The following CCNC variants were observed in gnomAD, a reference collection of about 807,000 sequenced individuals.
CCNC encodes cyclin C, also known as cyclin-C.
In CCNC, 19 loss-of-function variants were observed where a neutral mutation model predicts 50.0. The ratio of observed to expected loss-of-function variants is 0.38; its 90% CI spans 0.27 to 0.56. CCNC has a LOEUF of 0.56. CCNC is among the 20% of genes least tolerant of loss of function. CCNC has a pLI of 0.72. For missense variants in CCNC, 200 were observed against 327.1 expected, an observed-to-expected ratio of 0.61 and a Z score of 3.00; for synonymous variants, 93 against 103.7, an observed-to-expected ratio of 0.90 and a Z score of 0.63.
rs781636912 is a variant in CCNC, at chr6:99,568,468, C to T, written c.32+28G>A. 1.1e-5 allele frequency: 18 copies of T among 1,609,162 alleles called. No individual in the cohort carries two copies. The South Asian group carries it at 2.0e-4, about 18-fold the overall frequency. On this transcript the variant is annotated intron_variant, in intron 1 of 11. Transcript: ENST00000520429. ...CTCACAGCTCCCCCAAAAACCGGCCCCAGGTGAGAAGACGGAAGATCGCTT... is the reference window on the plus strand; with the variant it reads ...CTCACAGCTCCCCCAAAAACCGGCCTCAGGTGAGAAGACGGAAGATCGCTT...
intron 5 of CCNC, among the ~76,000 whole-genome samples, chr6:99,552,826 T>G (rs1291637496): frequency 6.6e-6 from 1 of 152,176 alleles, no homozygotes; most frequent in South Asian, 2.1e-4. Flanking sequence ...GTGGATCACC[T>G]GAGGTCAGGA....
chr6:99,556,782 G>T (rs1285436655), intron 5 of CCNC, among the ~76,000 whole-genome samples: 2 of 152,176 alleles, frequency 1.3e-5, no homozygotes, highest in Non-Finnish European at 2.9e-5. Context: ...TTAGCCCGGC[G>T]TGGTGGCACA....
Position 99,550,988 on chromosome 6 carries a change from CT to C in CCNC, c.438+4del. 9.7e-7 allele frequency: 1 copy of C among 1,031,910 alleles called. No individual in the cohort carries two copies. Among genetic ancestry groups the C allele is most frequent in the Non-Finnish European group, 1.4e-6 (1 of 727,570 alleles). 63.9% of individuals were successfully genotyped at this position (1,031,910 alleles called of 1,614,324 possible). On this transcript the variant is annotated splice_donor_region_variant and intron_variant, in intron 7 of 11. Transcript: ENST00000520429. ...TAATCTATTAATCACAGAAGATTTACTTACCATTAGTTCTAACAGATAGAAT... is the reference window on the plus strand; with the variant it reads ...TAATCTATTAATCACAGAAGATTTACTACCATTAGTTCTAACAGATAGAAT...
intron 1 of CCNC, among the ~76,000 whole-genome samples, chr6:99,566,612 A>G (rs1341770490): frequency 1.3e-5 from 2 of 152,178 alleles, no homozygotes; most frequent in African/African-American, 4.8e-5. Flanking sequence ...GTGGTTTGCT[A>G]ATTAATTTCA....
intron 1 of CCNC, 103 bp downstream of exon 1, chr6:99,568,393 C>T (rs1319860427): frequency 6.1e-6 from 7 of 1,151,626 alleles, no homozygotes; most frequent in Non-Finnish European, 7.7e-6. Context: ...AGGACCCCGG[C>T]ACTCGGAACT....
intron 6 of CCNC, among the ~76,000 whole-genome samples, chr6:99,551,271 ACAAT>A (rs1426655051): frequency 1.3e-5 from 2 of 152,168 alleles, no homozygotes; most frequent in African/African-American, 2.4e-5. Context: ...CCAGCTTCTC[ACAAT>A]CATTCTTATT....
rs946439002 is a variant in CCNC at position 99,566,968 on chromosome 6, C to T, written c.32+1528G>A. 2.4e-5 allele frequency: 11 copies of T among 453,834 alleles called. 1 individual carries two copies. The highest frequency in any genetic ancestry group is 4.9e-5 in the Non-Finnish European group (11 of 225,910). 28.1% of individuals were successfully genotyped at this position (453,834 alleles called of 1,614,324 possible). ...TTGTCTTGTCTTCCACACTCGTTAC[C>T]TTTTCCAGATAAGAAACTCCATGAC... On this transcript the variant is annotated intron_variant, in intron 1 of 11. Coordinates refer to ENST00000520429, the MANE Select transcript of CCNC (RefSeq NM_005190.4).
At chr6:99,559,507 T>C (rs1802683889) in intron 4 of CCNC, among the ~76,000 whole-genome samples, 1 of 152,142 alleles carries the variant, frequency 6.6e-6, no homozygotes, top group Non-Finnish European at 1.5e-5. Flanking sequence ...GAAATGTATG[T>C]GTACTAATAT....
intron 8 of CCNC, among the ~76,000 whole-genome samples, chr6:99,549,970 T>A (rs1802224494): frequency 6.6e-6 from 1 of 152,200 alleles, no homozygotes; most frequent in Admixed American, 6.5e-5. Flanking sequence ...ATTTTTATGT[T>A]AACAGTCTGT....
At chr6:99,550,114 G>C (rs966493987) in intron 8 of CCNC, 104 bp downstream of exon 8, 13 of 745,028 alleles carry the variant, frequency 1.7e-5, no homozygotes, top group Non-Finnish European at 2.8e-5. Flanking sequence ...AAAATATCTT[G>C]GGGCAATAGT....
At chr6:99,563,778 T>C (rs1768973934) in intron 1 of CCNC, among the ~76,000 whole-genome samples, 1 of 152,214 alleles carries the variant, frequency 6.6e-6, no homozygotes, top group Admixed American at 6.5e-5. Context: ...TCCAAATGCA[T>C]GGAGGTATTT....
intron 5 of CCNC, among the ~76,000 whole-genome samples, chr6:99,555,481 A>C (rs1447468460): frequency 6.6e-6 from 1 of 151,760 alleles, no homozygotes; most frequent in Non-Finnish European, 1.5e-5. Context: ...TCCATTGCCC[A>C]GGCTGGAGTG....
intron 10 of CCNC, among the ~76,000 whole-genome samples, chr6:99,546,084 G>C (rs977688588): frequency 4.6e-5 from 7 of 152,010 alleles, no homozygotes; most frequent in Admixed American, 1.3e-4. Context: ...TTCTGTCTCA[G>C]CCTCCCGAGT....
chr6:99,568,796 A>C, upstream of CCNC: 1 of 1,051,968 alleles, frequency 9.5e-7, no homozygotes, highest in African/African-American at 1.6e-5. Flanking sequence ...TGACCCTTGG[A>C]GGTGCTGAGA....
chr6:99,561,733 A>C (rs1802789943), intron 2 of CCNC, 52 bp from the exon 3 acceptor site: 2 of 1,112,138 alleles, frequency 1.8e-6, no homozygotes, highest in East Asian at 4.7e-5. Flanking sequence ...TCATTATAAT[A>C]TTAACATTGA....
intron 11 of CCNC, among the ~76,000 whole-genome samples, chr6:99,544,709 T>C (rs1419413706): frequency 7.0e-6 from 1 of 143,826 alleles, no homozygotes; most frequent in Non-Finnish European, 1.5e-5. Flanking sequence ...TGAAAATTGC[T>C]ACTGAAATTT....
At position 99,561,390 on chromosome 6, in the gene CCNC, C is replaced by T; in HGVS notation, c.271G>A (p.Val91Met). Reference protein sequence around the residue: ...IDPVLMAPTCVFLASKVEEFG... With the variant: ...IDPVLMAPTCMFLASKVEEFG... ...ACCTCTACTTTGGATGCCAAAAACA[C>T]ACATGTAGGAGCCATTAATACAGGA... is the stretch of plus-strand genomic sequence containing the variant. The change falls in exon 4 of 12, where the codon GTG becomes ATG. Residue 91 changes from valine to methionine, a missense_variant. By Grantham distance (21) the Val-to-Met change is conservative. Transcript: ENST00000520429. 1 of 1,602,936 alleles carries T rather than the reference C, an allele frequency of 6.2e-7. No homozygotes were observed. Among genetic ancestry groups the T allele is most frequent in the Non-Finnish European group, 8.5e-7 (1 of 1,174,236 alleles).
chr6:99,563,648 C>G (rs562702691), intron 1 of CCNC, among the ~76,000 whole-genome samples: 24 of 152,190 alleles, frequency 1.6e-4, no homozygotes, highest in Non-Finnish European at 3.1e-4. Context: ...AAATACAGGT[C>G]GTCATTTTTC....
intron 1 of CCNC, 55 bp from the exon 2 acceptor site, chr6:99,563,003 A>C: frequency 1.9e-6 from 2 of 1,047,838 alleles, no homozygotes; most frequent in East Asian, 2.4e-5. Context: ...AAACACTCTA[A>C]GATTGAACAC....
Sources: allele counts gnomAD v4.1 joint callset (sites outside exome capture counted in the v4.1 genomes callset), GRCh38; gene constraint gnomAD v4.1.1; transcripts MANE v1.5; gene names NCBI Gene and HGNC (gene_info 2026-07-23, HGNC 2026-07-21).